The following DBNL variants were observed in gnomAD, a reference collection of about 807,000 sequenced individuals.
DBNL encodes the protein drebrin-like protein.
Under a neutral mutation model 62.2 loss-of-function variants are expected in DBNL, and 35 were observed. The observed-to-expected ratio is 0.56, with a 90% CI of 0.43 to 0.75. The LOEUF (loss-of-function observed/expected upper bound fraction) is 0.75. DBNL is among the 30% of genes least tolerant of loss of function. The pLI, the probability that DBNL is intolerant of heterozygous loss-of-function variation, is 0.00. For missense variants in DBNL, 495 were observed against 578.4 expected (o/e 0.86, Z 1.48); for synonymous variants, 197 against 218.0 (o/e 0.90, Z 0.85).
intron 4 of DBNL, among the ~76,000 whole-genome samples, chr7:44,053,937 A>G (rs906366180): frequency 6.6e-6 from 1 of 152,182 alleles, no homozygotes; most frequent in Non-Finnish European, 1.5e-5. Context: ...TGGCCTCCCA[A>G]AGTGCTAGGA....
chr7:44,055,150 A>G (rs1330813721), intron 4 of DBNL, among the ~76,000 whole-genome samples: 1 of 152,182 alleles, frequency 6.6e-6, no homozygotes, highest in Non-Finnish European at 1.5e-5. Flanking sequence ...TGCTTTTAGT[A>G]GGACTAAAAT....
In DBNL at chr7:44,065,440, CA is replaced by C. The variant is rs2096158077; in HGVS notation, c.*4525del. 1 of 1,614,008 alleles carries C rather than the reference CA, an allele frequency of 6.2e-7. No homozygotes were observed. Among genetic ancestry groups the C allele is most frequent in the South Asian group, 1.1e-5 (1 of 91,084 alleles). ...TGGCCTCCTCGGTCCCCTTTTCACTCAGCTCTGCATCGAACCAGCCACAGAA... is the reference window on the plus strand; with the variant it reads ...TGGCCTCCTCGGTCCCCTTTTCACTCGCTCTGCATCGAACCAGCCACAGAA... On this transcript the variant is annotated 3_prime_UTR_variant, in exon 13 of 13. Transcript: ENST00000448521.
At position 44,063,762 on chromosome 7, in the gene DBNL, TC is replaced by T. The variant is rs2096153757; in HGVS notation, c.*2848del. 1 of 153,534 alleles carries T rather than the reference TC, an allele frequency of 6.5e-6. No homozygotes were observed. The allele number at this position is 153,534 out of a possible 1,614,324, so 9.5% of individuals were successfully genotyped here. A position where few individuals can be genotyped will look rare whatever the true frequency, so the allele number is the denominator to read the frequency against. On this transcript the variant is annotated 3_prime_UTR_variant, in exon 13 of 13. Coordinates refer to ENST00000448521, the MANE Select transcript of DBNL (RefSeq NM_001014436.3). Reference sequence around the variant, plus strand: ...GATGTTCGCGCCACTCCACCCCTGCTCCGTGCAGGAGGGTTTAAGAAAATGT... The same window carrying T: ...GATGTTCGCGCCACTCCACCCCTGCTCGTGCAGGAGGGTTTAAGAAAATGT...
Position 44,064,433 on chromosome 7 carries a change from A to C in DBNL, c.*3517A>C. The C allele has an allele frequency of 3.4e-6, 1 of 297,950 alleles. No homozygotes were observed. The highest frequency in any genetic ancestry group is 6.5e-6 in the Non-Finnish European group (1 of 153,882). The allele number at this position is 297,950 out of a possible 1,614,324, so 18.5% of individuals were successfully genotyped here. ...TCAAGAGGAATTCAGTACCAGGGGG[A>C]GCTCCCCACCACCCCGGAAAAGGGA... On this transcript the variant is annotated 3_prime_UTR_variant, in exon 13 of 13. Coordinates refer to ENST00000448521, the MANE Select transcript of DBNL (RefSeq NM_001014436.3).
Position 44,059,561 on chromosome 7 carries a change from C to T in DBNL, c.950C>T (p.Pro317Leu), listed in dbSNP as rs111863542. Residue 317 changes from proline to leucine, a missense_variant, in exon 11 of 13, where the codon CCG becomes CTG. By Grantham distance (98) the Pro-to-Leu change is moderately conservative (BLOSUM62 -3). Transcript: ENST00000448521. This position sits in a 1 kb window ranked among gnomAD's most constrained non-coding sequence, Gnocchi z 4.1. Reference sequence around the variant, plus strand: ...GGTGCAGATCTCCCTGCTGAGGAGCCGGCGCCCAGCACTCCTCCATGTCTG... The same window carrying T: ...GGTGCAGATCTCCCTGCTGAGGAGCTGGCGCCCAGCACTCCTCCATGTCTG... ...RPRADLPAEEPAPSTPPCLVQ... is the reference protein window; with the variant it reads ...RPRADLPAEELAPSTPPCLVQ... 9.0e-5 allele frequency: 145 copies of T among 1,612,630 alleles called. 4 individuals carry two copies. The highest frequency in any genetic ancestry group is 7.7e-4 in the African/African-American group (58 of 74,852).
rs1006438009 is a variant in DBNL at position 44,060,426 on chromosome 7, G to A, written c.1153+273G>A. On this transcript the variant is annotated intron_variant, in intron 12 of 12. Coordinates refer to ENST00000448521, the MANE Select transcript of DBNL (RefSeq NM_001014436.3). The surrounding 1 kb of genome is among the most constrained non-coding windows in gnomAD (Gnocchi z 6.3). ...GTTGCCACCCTTGTCACAGAACATG[G>A]ACTCTGAGCAGGGAGGTGGGCCAGG... Among the ~76,000 whole-genome samples, 3 of 152,168 alleles carry A rather than the reference G, an allele frequency of 2.0e-5. No homozygotes were observed. Among genetic ancestry groups the A allele is most frequent in the African/African-American group, 7.2e-5 (3 of 41,438 alleles).
At chr7:44,053,338 C>T (rs929591651) in intron 4 of DBNL, among the ~76,000 whole-genome samples, 2 of 152,230 alleles carry the variant, frequency 1.3e-5, no homozygotes, top group African/African-American at 2.4e-5. Context: ...CATTCCTTTC[C>T]AGCCCCCTCT....
chr7:44,062,996 T>C lies in DBNL; in HGVS notation c.*2080T>C, dbSNP rs547230909. 10 of 1,546,218 alleles carry C rather than the reference T, an allele frequency of 6.5e-6. No homozygotes were observed. The highest frequency in any genetic ancestry group is 1.7e-4 in the Middle Eastern group (1 of 5,930). On this transcript the variant is annotated 3_prime_UTR_variant, in exon 13 of 13. Coordinates refer to ENST00000448521, the MANE Select transcript of DBNL (RefSeq NM_001014436.3). ...CAGCCTGTTTACACAGCAGACACTA[T>C]GTGACCTTTATGGTCCACAGAGCCA...
Position 44,063,193 on chromosome 7 carries a change from A to G in DBNL, c.*2277A>G. 1.9e-6 allele frequency: 1 copy of G among 526,468 alleles called. No individual in the cohort carries two copies. Among genetic ancestry groups the G allele is most frequent in the Non-Finnish European group, 3.5e-6 (1 of 288,456 alleles). 32.6% of individuals were successfully genotyped at this position (526,468 alleles called of 1,614,324 possible). ...GCTGTGATCTGTGGTGGTGCTGTCC[A>G]TAGTTCCCTCAGCCCAGTGTGACTC... is the stretch of plus-strand genomic sequence containing the variant. On this transcript the variant is annotated 3_prime_UTR_variant, in exon 13 of 13. Transcript: ENST00000448521.
In DBNL at chr7:44,051,886, T is replaced by C; in HGVS notation, c.196T>C (p.Phe66Leu). Residue 66 changes from phenylalanine (F) to leucine (L), a missense_variant, in exon 3 of 13, where the codon TTC (phenylalanine) becomes CTC (leucine). Coordinates refer to ENST00000448521, the MANE Select transcript of DBNL (RefSeq NM_001014436.3). ...ELNSGKVMYA[F>L]CRVKDPNSGL... ...CAACAGCGGGAAGGTGATGTACGCC[T>C]TCTGCAGAGTGAAGGACCCCAACTC... 2 of 1,614,192 alleles carry C rather than the reference T, an allele frequency of 1.2e-6. No individual in the cohort carries two copies. Among genetic ancestry groups the C allele is most frequent in the Non-Finnish European group, 1.7e-6 (2 of 1,180,026 alleles).
Position 44,051,818 on chromosome 7 carries a change from ACT to A in DBNL, c.140-9_140-8del. ...AGGGCCACCCCTGACCTTCACTGTG[ACT>A]CTGCTGCAGAGGGTGGCCTGGAGGA... On this transcript the variant is annotated splice_polypyrimidine_tract_variant and intron_variant, in intron 2 of 12. Coordinates refer to ENST00000448521, the MANE Select transcript of DBNL (RefSeq NM_001014436.3). The A allele has an allele frequency of 1.9e-6, 3 of 1,613,506 alleles. No individual in the cohort carries two copies. Among genetic ancestry groups the A allele is most frequent in the Non-Finnish European group, 2.5e-6 (3 of 1,179,654 alleles).
rs772927309 is a variant in DBNL, at chr7:44,058,972, G to T, written c.824G>T (p.Ser275Ile). 1 of 1,613,990 alleles carries T rather than the reference G, an allele frequency of 6.2e-7. No individual in the cohort carries two copies. The highest frequency in any genetic ancestry group is 8.5e-7 in the Non-Finnish European group (1 of 1,179,980). The change falls in exon 9 of 13, where the codon AGT becomes ATT. Residue 275 changes from serine to isoleucine, a missense_variant. Ser to Ile is a moderately radical substitution (Grantham distance 142, BLOSUM62 -2). Coordinates refer to ENST00000448521, the MANE Select transcript of DBNL (RefSeq NM_001014436.3). ...ERAMSTTSIS[S>I]PQPGKLRSPF... Reference sequence around the variant, plus strand: ...GCCATGTCCACCACCTCCATCTCCAGTCCTCAGCCTGGTGAGCTCTCCCTT... The same window carrying T: ...GCCATGTCCACCACCTCCATCTCCATTCCTCAGCCTGGTGAGCTCTCCCTT...
At position 44,067,130 on chromosome 7, in the gene DBNL, A is replaced by C. The variant is rs908211203; in HGVS notation, c.*6214A>C. The C allele has an allele frequency of 1.3e-5, 2 of 152,434 alleles. No individual in the cohort carries two copies. The highest frequency in any genetic ancestry group is 2.9e-5 in the Non-Finnish European group (2 of 68,208). The allele number at this position is 152,434 out of a possible 1,614,324, so 9.4% of individuals were successfully genotyped here. A position where few individuals can be genotyped will look rare whatever the true frequency, so the allele number is the denominator to read the frequency against. ...CAGCCCTGAGGTGACATGTGAGTGG[A>C]AAGAGCGGAGTGCAAAGGCCTCAGC... On this transcript the variant is annotated 3_prime_UTR_variant, in exon 13 of 13. Transcript: ENST00000448521.
chr7:44,053,745 T>C (rs974909158), intron 4 of DBNL, among the ~76,000 whole-genome samples: 11 of 151,670 alleles, frequency 7.3e-5, no homozygotes, highest in South Asian at 4.2e-4. Context: ...GGCGTGATCT[T>C]GGCTCACTGC....
rs1213353378 is a variant in DBNL at position 44,058,271 on chromosome 7, G to C, written c.695G>C (p.Ser232Thr). ...QRYQEQGGEA[S>T]PQRTWEQQQE... ...TATCAGGAGCAGGGTGGCGAGGCCA[G>C]CCCCCAGAGGTGAGCCAGAGGTGGA... The change falls in exon 7 of 13, where the codon AGC becomes ACC. Residue 232 changes from serine (S) to threonine (T), a missense_variant. Physicochemically the swap from Ser to Thr is moderately conservative, Grantham distance 58. Coordinates refer to ENST00000448521, the MANE Select transcript of DBNL (RefSeq NM_001014436.3). The C allele has an allele frequency of 6.4e-7, 1 of 1,571,872 alleles. No homozygotes were observed. The highest frequency in any genetic ancestry group is 8.6e-7 in the Non-Finnish European group (1 of 1,158,746).
chr7:44,056,990 C>T, intron 5 of DBNL, 87 bp downstream of exon 5: 2 of 1,573,346 alleles, frequency 1.3e-6, no homozygotes, highest in Non-Finnish European at 1.7e-6. Context: ...AGCACCCGGG[C>T]TGGCTGGGCC....
At position 44,058,166 on chromosome 7, in the gene DBNL, G is replaced by A. The variant is rs1187377992; in HGVS notation, c.590G>A (p.Arg197Gln). 9 of 1,555,750 alleles carry A rather than the reference G, an allele frequency of 5.8e-6. No individual in the cohort carries two copies. The highest frequency in any genetic ancestry group is 1.8e-4 in the Middle Eastern group (1 of 5,680). Residue 197 changes from arginine (R) to glutamine (Q), a missense_variant, in exon 7 of 13, where the codon CGG becomes CAG. Transcript: ENST00000448521. ...EENRRLEEKR[R>Q]AEEAQRQLEQ... Reference sequence around the variant, plus strand: ...AACCGTCGGCTGGAGGAAAAGCGGCGGGCCGAGGAGGCACAGCGGCAGCTG... The same window carrying A: ...AACCGTCGGCTGGAGGAAAAGCGGCAGGCCGAGGAGGCACAGCGGCAGCTG...
Position 44,064,796 on chromosome 7 carries a change from C to T in DBNL, c.*3880C>T. On this transcript the variant is annotated 3_prime_UTR_variant, in exon 13 of 13. Coordinates refer to ENST00000448521, the MANE Select transcript of DBNL (RefSeq NM_001014436.3). ...TGAGAAGCCAGCTGGGGCTGCTGCC[C>T]ACCCACCCTGCCCAGGCTCCTGAAG... is the stretch of plus-strand genomic sequence containing the variant. 1.7e-6 allele frequency: 2 copies of T among 1,158,920 alleles called. No individual in the cohort carries two copies. The highest frequency in any genetic ancestry group is 2.5e-6 in the Non-Finnish European group (2 of 790,582). 71.8% of individuals were successfully genotyped at this position (1,158,920 alleles called of 1,614,324 possible). A position where few individuals can be genotyped will look rare whatever the true frequency, so the allele number is the denominator to read the frequency against.
rs372887697 is a variant in DBNL at position 44,059,587 on chromosome 7, G to A, written c.976G>A (p.Val326Met). ...GGCGCCCAGCACTCCTCCATGTCTG[G>A]TGCAGGCAGAAGAGGAGGCTGTGTA... ...EPAPSTPPCL[V>M]QAEEEAVYEE... Residue 326 changes from valine (V) to methionine (M), a missense_variant, in exon 11 of 13, where the codon GTG (valine) becomes ATG (methionine). Val to Met is a conservative substitution (Grantham distance 21). Transcript: ENST00000448521. This position sits in a 1 kb window ranked among gnomAD's most constrained non-coding sequence, Gnocchi z 4.1. The A allele has an allele frequency of 1.3e-4, 209 of 1,612,132 alleles. No individual in the cohort carries two copies. The highest frequency in any genetic ancestry group is 1.6e-4 in the Non-Finnish European group (194 of 1,179,966).
Sources: gnomAD v4.1 joint callset for allele counts (sites outside exome capture counted in the v4.1 genomes callset) on GRCh38, gnomAD v4.1.1 for gene constraint, Gnocchi (gnomAD v3.1) non-coding constraint, MANE v1.5 for transcripts, NCBI Gene and HGNC (gene_info 2026-07-23, HGNC 2026-07-21) for gene names.